The following MICAL3 variants were observed in gnomAD, a reference collection of about 807,000 sequenced individuals.
MICAL3 encodes [F-actin]-monooxygenase MICAL3.
Under a neutral mutation model 207.4 loss-of-function variants are expected in MICAL3, and 62 were observed. The observed-to-expected ratio is 0.30, with a 90% confidence interval of 0.24 to 0.37. The LOEUF is 0.37. Ranked by LOEUF, MICAL3 falls within the 10% of genes least tolerant of loss-of-function variation. The pLI, the probability that MICAL3 is intolerant of heterozygous loss-of-function variation, is 1.00. For synonymous variants in MICAL3, 1,077 were observed against 1,069.3 expected, an observed-to-expected ratio of 1.01 and a Z score of -0.14; for missense variants, 2,368 against 2,635.6, an observed-to-expected ratio of 0.90 and a Z score of 2.22.
intron 1 of MICAL3, among the ~76,000 whole-genome samples, chr22:18,022,339 A>C (rs1924536253): frequency 6.6e-6 from 1 of 152,168 alleles, no homozygotes; most frequent in Non-Finnish European, 1.5e-5. Context: ...AGGCCTGAGA[A>C]GGATAATAAC....
rs1275368207 is a variant in MICAL3 at position 17,816,734 on chromosome 22, T to A, written c.5401A>T (p.Ser1801Cys). The stretch of plus-strand genomic sequence containing the variant: ...GAGGACTTCTCAAGGACATCGTCGC[T>A]GGAGAGGTCTGAGTCCTCGGAGAAG... ...LSFSEDSDLS[S>C]DDVLEKSSQK... The change falls in exon 27 of 32, where the codon AGC becomes TGC. Residue 1801 changes from serine to cysteine, a missense_variant. Transcript: ENST00000441493. The A allele has an allele frequency of 6.4e-7, 1 of 1,552,434 alleles. No homozygotes were observed. Among genetic ancestry groups the A allele is most frequent in the African/African-American group, 1.4e-5 (1 of 73,122 alleles).
At chr22:17,879,439 T>C (rs1929210583) in intron 16 of MICAL3, 1 of 1,578,068 alleles carries the variant, frequency 6.3e-7, no homozygotes, top group African/African-American at 1.4e-5. Flanking sequence ...GCTCCATGCA[T>C]ATCGCTCTAT....
chr22:17,994,856 C>T (rs903917023), intron 1 of MICAL3, among the ~76,000 whole-genome samples: 10 of 152,164 alleles, frequency 6.6e-5, no homozygotes, highest in African/African-American at 2.2e-4. Context: ...GCTGTCCATC[C>T]CTCTCCTGCC....
At chr22:17,996,703 A>T (rs1054136486) in intron 1 of MICAL3, among the ~76,000 whole-genome samples, 24 of 152,210 alleles carry the variant, frequency 1.6e-4, no homozygotes, top group African/African-American at 5.5e-4. Flanking sequence ...CAAAGATGAC[A>T]GAGTGCGTGG....
Position 17,864,869 on chromosome 22 carries a change from C to T in MICAL3, c.2605+30G>A, listed in dbSNP as rs1208004381. The T allele has an allele frequency of 4.3e-6, 7 of 1,613,846 alleles. No homozygotes were observed. In the South Asian group the frequency reaches 4.4e-5, roughly 10 times the overall value. On this transcript the variant is annotated intron_variant, in intron 19 of 31. Transcript: ENST00000441493. Reference sequence around the variant, plus strand: ...TCACAGAGGCCGAGGGAGTGACGCGCCACCCAGCCAAACAAGGAAGTGAGG... The same window carrying T: ...TCACAGAGGCCGAGGGAGTGACGCGTCACCCAGCCAAACAAGGAAGTGAGG...
intron 21 of MICAL3, among the ~76,000 whole-genome samples, chr22:17,831,012 A>G (rs577738241): frequency 1.3e-5 from 2 of 152,324 alleles, no homozygotes; most frequent in African/African-American, 4.8e-5. Context: ...AGAAGCAGAG[A>G]TGAGCACAGT....
intron 1 of MICAL3, among the ~76,000 whole-genome samples, chr22:17,923,467 G>C (rs2146301977): frequency 6.6e-6 from 1 of 152,322 alleles, no homozygotes; most frequent in South Asian, 2.1e-4. Flanking sequence ...AGATTAGCCA[G>C]TGTAGAGCCA....
At chr22:17,949,897 T>A (rs1377275951) in intron 1 of MICAL3, among the ~76,000 whole-genome samples, 4 of 152,188 alleles carry the variant, frequency 2.6e-5, no homozygotes, top group African/African-American at 9.7e-5. Context: ...CAGGCCTGGG[T>A]AGGGCCAGAG....
intron 29 of MICAL3, among the ~76,000 whole-genome samples, chr22:17,802,939 T>C (rs1569070779): frequency 1.3e-5 from 2 of 151,986 alleles, no homozygotes; most frequent in African/African-American, 2.4e-5. Flanking sequence ...AAATGAGACA[T>C]GGGGGTCAGC....
chr22:17,925,453 A>AT (rs1932896940), intron 1 of MICAL3, among the ~76,000 whole-genome samples: 1 of 152,238 alleles, frequency 6.6e-6, no homozygotes, highest in South Asian at 2.1e-4. Context: ...TGGAGGGGAT[A>AT]TTTAATATCT....
chr22:17,843,002 T>A (rs1924208440), intron 19 of MICAL3, among the ~76,000 whole-genome samples: 1 of 151,292 alleles, frequency 6.6e-6, no homozygotes, highest in Non-Finnish European at 1.5e-5. Context: ...GCGCCTGTAG[T>A]CCCAGCTACT....
Position 17,793,232 on chromosome 22 carries a change from A to G in MICAL3, c.5651-1931T>C, listed in dbSNP as rs367651207. On this transcript the variant is annotated intron_variant, in intron 29 of 31. Coordinates refer to ENST00000441493, the MANE Select transcript of MICAL3 (RefSeq NM_015241.3). The surrounding 1 kb of genome is among the most constrained non-coding windows in gnomAD (Gnocchi z 4.1). ...TCAACGACAATCTTATCACCACAAC[A>G]GACTTCAAATCAGACAAACTTAAAA... is the stretch of plus-strand genomic sequence containing the variant. Among the ~76,000 whole-genome samples the G allele has an allele frequency of 6.6e-6, 1 of 152,084 alleles. No homozygotes were observed.
At chr22:17,872,763 A>G (rs573530375) in intron 16 of MICAL3, 33 of 1,612,230 alleles carry the variant, frequency 2.0e-5, no homozygotes, top group Non-Finnish European at 2.8e-5. Context: ...CTTCTTGTCT[A>G]GAAGGGCTTT....
intron 1 of MICAL3, among the ~76,000 whole-genome samples, chr22:17,960,065 C>T (rs1221705626): frequency 6.6e-6 from 1 of 152,206 alleles, no homozygotes; most frequent in Admixed American, 6.5e-5. Context: ...CATGGGGACA[C>T]AGGAAGAGAA....
chr22:17,940,001 C>G (rs1184007580), intron 1 of MICAL3, among the ~76,000 whole-genome samples: 1 of 152,198 alleles, frequency 6.6e-6, no homozygotes, highest in Non-Finnish European at 1.5e-5. Context: ...CAAAGCACCA[C>G]AGCCGGCAGT....
chr22:17,804,622 C>T (rs773127846), intron 29 of MICAL3, among the ~76,000 whole-genome samples: 8 of 152,328 alleles, frequency 5.3e-5, no homozygotes, highest in Non-Finnish European at 1.0e-4. Context: ...GTAATTTCCA[C>T]GCCTGAGATG....
intron 1 of MICAL3, among the ~76,000 whole-genome samples, chr22:17,959,643 C>T (rs753978563): frequency 8.2e-4 from 125 of 152,284 alleles, no homozygotes; most frequent in Admixed American, 1.2e-3. Context: ...ATGTTCTAAA[C>T]GCAGCCAGCA....
rs770532587 is a variant in MICAL3 at position 17,886,000 on chromosome 22, G to A, written c.2119C>T (p.Leu707=). 2 of 1,613,936 alleles carry A rather than the reference G, an allele frequency of 1.2e-6. No individual in the cohort carries two copies. Among genetic ancestry groups the A allele is most frequent in the Non-Finnish European group, 1.7e-6 (2 of 1,179,914 alleles). ...RGERPTLVST[L]TDRRMDVAVG... Reference sequence around the variant, plus strand: ...GCAACGTCCATCCTCCTGTCTGTCAGAGTGCTCACCAGGGTCGGTCTTTCT... The same window carrying A: ...GCAACGTCCATCCTCCTGTCTGTCAAAGTGCTCACCAGGGTCGGTCTTTCT... The change falls in exon 16 of 32, where the codon CTG becomes TTG. Residue 707 remains leucine, a synonymous_variant. Coordinates refer to ENST00000441493, the MANE Select transcript of MICAL3 (RefSeq NM_015241.3).
At chr22:17,916,405 T>A (rs1932519972) in intron 1 of MICAL3, among the ~76,000 whole-genome samples, 1 of 152,144 alleles carries the variant, frequency 6.6e-6, no homozygotes, top group Admixed American at 6.5e-5. Context: ...CAACACCCAG[T>A]CCTGACCCCA....
Sources: gnomAD v4.1 joint callset for allele counts (sites outside exome capture counted in the v4.1 genomes callset) on GRCh38, gnomAD v4.1.1 for gene constraint, Gnocchi (gnomAD v3.1) non-coding constraint, MANE v1.5 for transcripts, NCBI Gene and HGNC (gene_info 2026-07-23, HGNC 2026-07-21) for gene names.